The following RALGAPA1 variants were observed in gnomAD, a reference collection of about 807,000 sequenced individuals.
The protein encoded by RALGAPA1 is ral GTPase-activating protein subunit alpha-1.
A neutral mutation model predicts 269.6 loss-of-function variants in RALGAPA1; 52 were observed. The ratio of observed to expected loss-of-function variants is 0.19; its 90% CI spans 0.15 to 0.24. The LOEUF (loss-of-function observed/expected upper bound fraction) is 0.24. Ranked by LOEUF, RALGAPA1 falls within the 10% of genes least tolerant of loss-of-function variation. The pLI, the probability that RALGAPA1 is intolerant of heterozygous loss-of-function variation, is 1.00. For missense variants in RALGAPA1, 1,917 were observed against 3,013.9 expected (o/e 0.64, Z 8.52); for synonymous variants, 817 against 1,008.3 (o/e 0.81, Z 3.60).
intron 37 of RALGAPA1, among the ~76,000 whole-genome samples, chr14:35,586,755 A>AT (rs1177108715): frequency 5.9e-5 from 9 of 152,122 alleles, no homozygotes; most frequent in Admixed American, 2.0e-4. Flanking sequence ...TCTATGCTGG[A>AT]TTACGTTCAT....
chr14:35,628,320 C>CG (rs1254667084), intron 33 of RALGAPA1, among the ~76,000 whole-genome samples: 1 of 151,940 alleles, frequency 6.6e-6, no homozygotes, highest in African/African-American at 2.4e-5. Flanking sequence ...GAGGCTGAGG[C>CG]GGGAGGATTG....
intron 11 of RALGAPA1, among the ~76,000 whole-genome samples, chr14:35,740,086 C>T (rs2071406326): frequency 6.6e-6 from 1 of 152,090 alleles, no homozygotes; most frequent in Non-Finnish European, 1.5e-5. Context: ...TCCCATTTGT[C>T]TACCTGTTCT....
chr14:35,594,861 C>T (rs2058837110), intron 37 of RALGAPA1, among the ~76,000 whole-genome samples: 1 of 152,048 alleles, frequency 6.6e-6, no homozygotes, highest in Admixed American at 6.6e-5. Flanking sequence ...CCTATGTTCA[C>T]TGCAGTATTA....
At chr14:35,725,724 G>C (rs2069836986) in intron 13 of RALGAPA1, among the ~76,000 whole-genome samples, 1 of 151,946 alleles carries the variant, frequency 6.6e-6, no homozygotes, top group Non-Finnish European at 1.5e-5. Flanking sequence ...AAATTAGCTG[G>C]GTGTGGTGGC....
chr14:35,578,697 C>T (rs577969105), intron 37 of RALGAPA1, among the ~76,000 whole-genome samples: 2 of 152,272 alleles, frequency 1.3e-5, no homozygotes, highest in South Asian at 4.1e-4. Context: ...TATCATTACC[C>T]AGTACATAGC....
intron 16 of RALGAPA1, among the ~76,000 whole-genome samples, chr14:35,720,242 T>C (rs749281529): frequency 1.3e-5 from 2 of 152,234 alleles, no homozygotes; most frequent in Non-Finnish European, 2.9e-5. Flanking sequence ...GCTTGGAATA[T>C]ACAATTAATG....
chr14:35,666,200 A>C (rs1346300358), intron 26 of RALGAPA1, among the ~76,000 whole-genome samples: 2 of 152,044 alleles, frequency 1.3e-5, no homozygotes, highest in African/African-American at 4.8e-5. Flanking sequence ...AAAATTTTAA[A>C]GACTTATAAA....
intron 1 of RALGAPA1, among the ~76,000 whole-genome samples, chr14:35,808,405 G>T (rs970462349): frequency 6.6e-6 from 1 of 152,110 alleles, no homozygotes; most frequent in African/African-American, 2.4e-5. Flanking sequence ...TAGTCATCTG[G>T]CAAACATATC....
At chr14:35,719,046 G>A (rs1345057442) in intron 16 of RALGAPA1, among the ~76,000 whole-genome samples, 2 of 151,822 alleles carry the variant, frequency 1.3e-5, no homozygotes, top group African/African-American at 4.8e-5. Context: ...GTTTCACCAT[G>A]TTGCCCAGGC....
chr14:35,778,463 C>T (rs1215262760), intron 1 of RALGAPA1, among the ~76,000 whole-genome samples: 1 of 152,116 alleles, frequency 6.6e-6, no homozygotes, highest in Non-Finnish European at 1.5e-5. Flanking sequence ...GGATTCTGTA[C>T]ATTTCTCTTT....
At chr14:35,703,553 T>C (rs1318328878) in intron 16 of RALGAPA1, among the ~76,000 whole-genome samples, 1 of 152,208 alleles carries the variant, frequency 6.6e-6, no homozygotes, top group Non-Finnish European at 1.5e-5. Context: ...TTGTTTTAAC[T>C]AAAAACTCTT....
Position 35,689,712 on chromosome 14 carries a change from G to C in RALGAPA1, c.2699C>G (p.Ser900Cys), listed in dbSNP as rs2066317029. The change falls in exon 18 of 42, where the codon TCT (serine) becomes TGT (cysteine). Residue 900 changes from serine (S) to cysteine (C), a missense_variant. By Grantham distance (112) the Ser-to-Cys change is moderately radical. Transcript: ENST00000680220. ...HITDTHSRES[S>C]LEVGDSIYDH... ...ATATATGCTATCACCAACTTCCAGA[G>C]AAGACTCTCTACTATGAGTATCAGT... The C allele has an allele frequency of 7.0e-7, 1 of 1,425,402 alleles. No individual in the cohort carries two copies. Among genetic ancestry groups the C allele is most frequent in the East Asian group, 2.7e-5 (1 of 36,978 alleles). 88.3% of individuals were successfully genotyped at this position (1,425,402 alleles called of 1,614,324 possible).
At chr14:35,729,772 G>C (rs887923324) in intron 12 of RALGAPA1, among the ~76,000 whole-genome samples, 2 of 152,148 alleles carry the variant, frequency 1.3e-5, no homozygotes, top group African/African-American at 4.8e-5. Flanking sequence ...ACTACCTGTA[G>C]TGAAAGAACA....
chr14:35,668,879 T>C (rs2064169599), intron 26 of RALGAPA1, among the ~76,000 whole-genome samples: 1 of 152,282 alleles, frequency 6.6e-6, no homozygotes, highest in South Asian at 2.1e-4. Context: ...GTATACTTTA[T>C]CTCAATGATT....
intron 8 of RALGAPA1, 101 bp downstream of exon 8, chr14:35,751,923 T>C (rs540334254): frequency 1.4e-6 from 2 of 1,459,848 alleles, no homozygotes; most frequent in African/African-American, 2.9e-5. Flanking sequence ...ATACAAGTAT[T>C]AAATATGATC....
intron 36 of RALGAPA1, among the ~76,000 whole-genome samples, chr14:35,597,686 T>C (rs2059012959): frequency 6.6e-6 from 1 of 152,174 alleles, no homozygotes; most frequent in South Asian, 2.1e-4. Context: ...ATGTGAGCCA[T>C]ACCCACTTCA....
chr14:35,654,496 A>G lies in RALGAPA1; in HGVS notation c.5497-19T>C, dbSNP rs1228370640. On this transcript the variant is annotated intron_variant, in intron 29 of 41. Coordinates refer to ENST00000680220, the MANE Select transcript of RALGAPA1 (RefSeq NM_001346249.2). ...TAGTAAACTGCAATAATAAAAAAAA[A>G]GTTTTAAAAATTTTCATGATGAACT... The G allele has an allele frequency of 6.4e-7, 1 of 1,570,182 alleles. No individual in the cohort carries two copies. Among genetic ancestry groups the G allele is most frequent in the Non-Finnish European group, 8.6e-7 (1 of 1,166,420 alleles).
intron 16 of RALGAPA1, among the ~76,000 whole-genome samples, chr14:35,718,360 T>C (rs1333240567): frequency 6.6e-6 from 1 of 152,224 alleles, no homozygotes; most frequent in Non-Finnish European, 1.5e-5. Context: ...TGTTATGCTA[T>C]AAGCCTGTAT....
chr14:35,586,002 G>GGGATGC (rs2058257507), intron 37 of RALGAPA1, among the ~76,000 whole-genome samples: 5 of 152,186 alleles, frequency 3.3e-5, no homozygotes, highest in African/African-American at 1.2e-4. Flanking sequence ...GTCATTTGTA[G>GGGATGC]CTTGATGGGG....
Sources: gnomAD v4.1 joint callset for allele counts (sites outside exome capture counted in the v4.1 genomes callset) on GRCh38, gnomAD v4.1.1 for gene constraint, MANE v1.5 for transcripts, NCBI Gene and HGNC (gene_info 2026-07-23, HGNC 2026-07-21) for gene names.